Variants in CACNA1A observed in about 807,000 individuals in gnomAD.
CACNA1A encodes calcium voltage-gated channel subunit alpha1 A.
Under a neutral mutation model 262.4 loss-of-function variants are expected in CACNA1A, and 57 were observed. That is an observed-to-expected ratio of 0.22 (90% CI 0.18 to 0.27). The LOEUF (loss-of-function observed/expected upper bound fraction) is 0.27. Among genes scored for constraint, CACNA1A ranks in the 10% least tolerant of loss-of-function variants. The pLI is 1.00. For missense variants in CACNA1A, 2,526 were observed against 3,562.8 expected (o/e 0.71, Z 7.41); for synonymous variants, 1,431 against 1,419.3 (o/e 1.01, Z -0.18).
chr19:13,348,411 AAG>A (rs3087087), intron 6 of CACNA1A, among the ~76,000 whole-genome samples: 20,783 of 152,126 alleles, frequency 0.14, 1,556 homozygotes, highest in South Asian at 0.2. Flanking sequence ...ACAAGAATAA[AAG>A]AGACAAAGGC....
At chr19:13,387,287 CA>C (rs2059631826) in intron 3 of CACNA1A, among the ~76,000 whole-genome samples, 1 of 152,144 alleles carries the variant, frequency 6.6e-6, no homozygotes. Context: ...GTAGCTAAGT[CA>C]TATCAGAACC....
chr19:13,438,533 GCA>G (rs2144865761), intron 3 of CACNA1A, among the ~76,000 whole-genome samples: 1 of 152,336 alleles, frequency 6.6e-6, no homozygotes, highest in South Asian at 2.1e-4. Context: ...AGGGAGTGGA[GCA>G]CAGTCATTCC....
chr19:13,498,880 A>T (rs554077086), intron 1 of CACNA1A, among the ~76,000 whole-genome samples: 1 of 152,234 alleles, frequency 6.6e-6, no homozygotes, highest in African/African-American at 2.4e-5. Context: ...CAGAGATGCT[A>T]AACCCAGGAT....
Position 13,308,318 on chromosome 19 carries a change from G to C in CACNA1A, c.1782-67C>G. On this transcript the variant is annotated intron_variant, in intron 13 of 46. Transcript: ENST00000360228. The surrounding 1 kb of genome is among the most constrained non-coding windows in gnomAD (Gnocchi z 4.2). The stretch of plus-strand genomic sequence containing the variant: ...AGGCAGGGCCCCGGAGTCAGCCCTC[G>C]AAACACGAGGCTCACTTTCCCAACT... 1.9e-6 allele frequency: 3 copies of C among 1,570,370 alleles called. No homozygotes were observed. The highest frequency in any genetic ancestry group is 2.6e-6 in the Non-Finnish European group (3 of 1,155,338).
chr19:13,436,574 T>TCACTCATTCAC (rs2060617010), intron 3 of CACNA1A, among the ~76,000 whole-genome samples: 1 of 121,988 alleles, frequency 8.2e-6, no homozygotes, highest in Non-Finnish European at 1.7e-5. Context: ...CACTCATTCA[T>TCACTCATTCAC]TCACTCATTC....
chr19:13,417,124 G>C (rs1310559415), intron 3 of CACNA1A, among the ~76,000 whole-genome samples: 1 of 152,180 alleles, frequency 6.6e-6, no homozygotes, highest in African/African-American at 2.4e-5. Flanking sequence ...GGGGCAGCCT[G>C]ATGTTCCAGG....
At chr19:13,461,360 C>T (rs980929733) in intron 1 of CACNA1A, among the ~76,000 whole-genome samples, 38 of 151,728 alleles carry the variant, frequency 2.5e-4, no homozygotes, top group African/African-American at 8.9e-4. Flanking sequence ...CAAAACAAAA[C>T]AAAACAAAAC....
chr19:13,502,037 C>T (rs1271178565), intron 1 of CACNA1A, among the ~76,000 whole-genome samples: 2 of 152,076 alleles, frequency 1.3e-5, no homozygotes, highest in Non-Finnish European at 2.9e-5. Flanking sequence ...ACCATCCTGC[C>T]CTCTACGGCA....
At chr19:13,388,329 C>T (rs2144638724) in intron 3 of CACNA1A, among the ~76,000 whole-genome samples, 1 of 136,632 alleles carries the variant, frequency 7.3e-6, no homozygotes, top group East Asian at 2.3e-4. Flanking sequence ...GATCTCAGCT[C>T]AATGCAACCT....
chr19:13,472,235 T>A lies in CACNA1A; in HGVS notation c.294-17023A>T, dbSNP rs937361858. Among the ~76,000 whole-genome samples the A allele has an allele frequency of 4.6e-5, 7 of 152,096 alleles. No homozygotes were observed. In the East Asian group the frequency reaches 1.2e-3, roughly 25 times the overall value. ...ATCCTCCCACCTCAGCCTCCCAAAG[T>A]GCTAGGATCACAGGTGTGAGCCACC... On this transcript the variant is annotated intron_variant, in intron 1 of 46. Coordinates refer to ENST00000360228, the MANE Select transcript of CACNA1A (RefSeq NM_001127222.2).
At position 13,307,564 on chromosome 19, in the gene CACNA1A, G is replaced by A. The variant is rs747274614; in HGVS notation, c.1986+218C>T. ...GCTGGGATTATGGGTGTGAGCCACC[G>A]TGCCCAGCCACAAACTATCTTTCCA... On this transcript the variant is annotated intron_variant, in intron 15 of 46. Transcript: ENST00000360228. 4 of 544,728 alleles carry A rather than the reference G, an allele frequency of 7.3e-6. 1 individual carries two copies. Among genetic ancestry groups the A allele is most frequent in the Admixed American group, 6.5e-5 (2 of 30,908 alleles). The allele number at this position is 544,728 out of a possible 1,614,324, so 33.7% of individuals were successfully genotyped here.
intron 30 of CACNA1A, among the ~76,000 whole-genome samples, chr19:13,248,409 CAA>C (rs61481896): frequency 1.3e-3 from 75 of 58,826 alleles, no homozygotes; most frequent in South Asian, 8.9e-3. Context: ...GATCCCATCT[CAA>C]AAAAAAAAAA....
intron 15 of CACNA1A, 90 bp from the exon 16 acceptor site, chr19:13,303,974 C>T: frequency 1.1e-6 from 1 of 903,750 alleles, no homozygotes; most frequent in Non-Finnish European, 1.8e-6. Flanking sequence ...TCCGCCCACC[C>T]CATCCCCGAG....
chr19:13,397,570 T>G (rs1736031956), intron 3 of CACNA1A, among the ~76,000 whole-genome samples: 1 of 151,862 alleles, frequency 6.6e-6, no homozygotes, highest in African/African-American at 2.4e-5. Context: ...TCAGTTAGAC[T>G]CCGTTTCCCA....
At chr19:13,456,670 T>C (rs905189070) in intron 1 of CACNA1A, among the ~76,000 whole-genome samples, 2 of 151,850 alleles carry the variant, frequency 1.3e-5, no homozygotes, top group Admixed American at 1.3e-4. Context: ...CGAGACTCTG[T>C]CTCAAAAAAA....
intron 1 of CACNA1A, among the ~76,000 whole-genome samples, chr19:13,465,220 C>G (rs540140991): frequency 1.3e-5 from 2 of 151,690 alleles, no homozygotes; most frequent in East Asian, 3.9e-4. Flanking sequence ...CATGAGCCAC[C>G]GCGTCCAGCC....
At chr19:13,403,263 G>A (rs576910319) in intron 3 of CACNA1A, among the ~76,000 whole-genome samples, 51 of 152,198 alleles carry the variant, frequency 3.4e-4, no homozygotes, top group African/African-American at 1.2e-3. Flanking sequence ...GTTGATCTGA[G>A]TGAAGTGTTG....
At chr19:13,304,730 C>T (rs2057864800) in intron 15 of CACNA1A, among the ~76,000 whole-genome samples, 1 of 148,240 alleles carries the variant, frequency 6.7e-6, no homozygotes, top group Non-Finnish European at 1.5e-5. Context: ...CATATGAGGA[C>T]ACAGCAAGAA....
rs1301595829 is a variant in CACNA1A at position 13,413,357 on chromosome 19, T to C, written c.539+39519A>G. 2.7e-4 allele frequency among the ~76,000 whole-genome samples: 40 copies of C among 150,462 alleles called. 1 individual carries two copies. The highest frequency in any genetic ancestry group is 1.6e-3 in the East Asian group (8 of 4,854). On this transcript the variant is annotated intron_variant, in intron 3 of 46. Coordinates refer to ENST00000360228, the MANE Select transcript of CACNA1A (RefSeq NM_001127222.2). ...TCCTGACCTCGTGATCCGCCCGCCTTGGCCTCCCAAAGTGCTGGGATTACA... is the reference window on the plus strand; with the variant it reads ...TCCTGACCTCGTGATCCGCCCGCCTCGGCCTCCCAAAGTGCTGGGATTACA...
Sources: allele counts gnomAD v4.1 joint callset (sites outside exome capture counted in the v4.1 genomes callset), GRCh38; gene constraint gnomAD v4.1.1; non-coding constraint Gnocchi (gnomAD v3.1); transcripts MANE v1.5; gene names NCBI Gene and HGNC (gene_info 2026-07-23, HGNC 2026-07-21).